The following IL20RB variants were observed in gnomAD, a reference collection of about 807,000 sequenced individuals.
The protein encoded by IL20RB is interleukin-20 receptor subunit beta.
IL20RB carries 21 observed loss-of-function variants against 33.3 expected under a neutral mutation model. The observed-to-expected ratio is 0.63, with a 90% CI of 0.45 to 0.91. The LOEUF (loss-of-function observed/expected upper bound fraction) is 0.91, where lower values mean the gene tolerates loss of function less well. Ranked by LOEUF, IL20RB falls within the 40% of genes least tolerant of loss-of-function variation. IL20RB has a pLI of 0.00. For missense variants in IL20RB, 345 were observed against 384.8 expected (o/e 0.90, Z 0.86); for synonymous variants, 147 against 146.8 (o/e 1.00, Z -0.01).
intron 4 of IL20RB, among the ~76,000 whole-genome samples, chr3:136,990,717 T>C (rs1470543385): frequency 2.0e-5 from 3 of 152,228 alleles, no homozygotes; most frequent in Non-Finnish European, 4.4e-5. Flanking sequence ...CTTGATCTTA[T>C]AGCAGTATCT....
intron 1 of IL20RB, among the ~76,000 whole-genome samples, chr3:136,979,649 CTG>C (rs62819161): frequency 0.45 from 67,871 of 151,798 alleles, 15,570 homozygotes; most frequent in East Asian, 0.7. Flanking sequence ...TCTGGGCACA[CTG>C]TGTCTGGGTA....
rs1282078889 is a variant in IL20RB at position 137,010,694 on chromosome 3, A to G, written c.*471A>G. 1 of 153,526 alleles carries G rather than the reference A, an allele frequency of 6.5e-6. No individual in the cohort carries two copies. Among genetic ancestry groups the G allele is most frequent in the Non-Finnish European group, 1.5e-5 (1 of 68,944 alleles). 9.5% of individuals were successfully genotyped at this position (153,526 alleles called of 1,614,324 possible). A position where few individuals can be genotyped will look rare whatever the true frequency, so the allele number is the denominator to read the frequency against. On this transcript the variant is annotated 3_prime_UTR_variant, in exon 7 of 7. Transcript: ENST00000329582. Reference sequence around the variant, plus strand: ...CATAAATGTATGATGAGAATGATCAAGGACTCTACACACTGGGTGGCTTGG... The same window carrying G: ...CATAAATGTATGATGAGAATGATCAGGGACTCTACACACTGGGTGGCTTGG...
intron 1 of IL20RB, among the ~76,000 whole-genome samples, chr3:136,969,639 G>A (rs1022482679): frequency 1.3e-5 from 2 of 151,552 alleles, no homozygotes; most frequent in Admixed American, 6.6e-5. Context: ...AGATGGAAAT[G>A]CAGAAATCAC....
intron 1 of IL20RB, among the ~76,000 whole-genome samples, chr3:136,979,752 A>T (rs1941721989): frequency 6.6e-6 from 1 of 152,130 alleles, no homozygotes; most frequent in African/African-American, 2.4e-5. Flanking sequence ...TCCCACTTGA[A>T]TGGACTCTCT....
chr3:136,963,694 T>A (rs200601160), intron 1 of IL20RB, among the ~76,000 whole-genome samples: 52,040 of 112,824 alleles, frequency 0.46, 8,799 homozygotes, highest in East Asian at 0.66. Context: ...TTTTTTTTTA[T>A]TTTTTTTTTT....
At chr3:136,970,983 T>C (rs1177452500) in intron 1 of IL20RB, among the ~76,000 whole-genome samples, 3 of 151,958 alleles carry the variant, frequency 2.0e-5, no homozygotes, top group Admixed American at 2.0e-4. Context: ...TCACGTGGGG[T>C]AAATGTGAAA....
chr3:136,981,301 A>AAATTAAAC (rs1941769048), intron 2 of IL20RB, among the ~76,000 whole-genome samples: 2 of 16,192 alleles, frequency 1.2e-4, no homozygotes, highest in Admixed American at 1.1e-3. Flanking sequence ...TTAAATTAAA[A>AAATTAAAC]TGTCTGTTTC....
At position 136,995,547 on chromosome 3, in the gene IL20RB, A is replaced by G. The variant is rs1299880582; in HGVS notation, c.816A>G (p.Pro272=). The change falls in exon 6 of 7, where the codon CCA becomes CCG. Residue 272 remains proline, a synonymous_variant. Coordinates refer to ENST00000329582, the MANE Select transcript of IL20RB (RefSeq NM_144717.4). ...QYSCCPVVVL[P]DTLKITNSPQ... ...CCTGTTGCCCCGTGGTGGTCCTCCC[A>G]GACACCTTGGTAATAGAGTAGTTCT... The G allele has an allele frequency of 6.2e-7, 1 of 1,614,174 alleles. No individual in the cohort carries two copies. Among genetic ancestry groups the G allele is most frequent in the East Asian group, 2.2e-5 (1 of 44,880 alleles).
chr3:137,007,681 A>G (rs1316803323), intron 6 of IL20RB, among the ~76,000 whole-genome samples: 1 of 152,140 alleles, frequency 6.6e-6, no homozygotes, highest in Non-Finnish European at 1.5e-5. Context: ...CCATTTTTCC[A>G]GGTAGTCTGT....
At chr3:136,982,084 A>G (rs1446347578) in intron 2 of IL20RB, 76 bp from the exon 3 acceptor site, 18 of 1,092,334 alleles carry the variant, frequency 1.6e-5, no homozygotes, top group Non-Finnish European at 2.3e-5. Flanking sequence ...AGGTGAACGA[A>G]GTCAGTTACT....
intron 6 of IL20RB, among the ~76,000 whole-genome samples, chr3:137,002,851 A>G (rs1942274465): frequency 6.6e-6 from 1 of 152,168 alleles, no homozygotes; most frequent in Non-Finnish European, 1.5e-5. Context: ...GCCCATGCCT[A>G]TGTCCTGAAT....
intron 2 of IL20RB, 44 bp from the exon 3 acceptor site, chr3:136,982,116 G>A (rs775431675): frequency 1.4e-6 from 2 of 1,414,952 alleles, no homozygotes; most frequent in Admixed American, 2.2e-5. Context: ...CTGAGCCTGT[G>A]TCAGAGGGGC....
intron 4 of IL20RB, among the ~76,000 whole-genome samples, chr3:136,991,007 G>T (rs955081284): frequency 2.0e-5 from 3 of 152,248 alleles, no homozygotes; most frequent in Admixed American, 1.3e-4. Flanking sequence ...TAAGAGGGGA[G>T]CATGTACCCT....
chr3:136,976,461 A>AC (rs1290504172), intron 1 of IL20RB, among the ~76,000 whole-genome samples: 10 of 151,752 alleles, frequency 6.6e-5, no homozygotes, highest in Non-Finnish European at 1.5e-4. Context: ...GGCGGGGCTT[A>AC]CCCCCCAGCC....
chr3:136,986,088 C>G (rs1036562018), intron 3 of IL20RB, among the ~76,000 whole-genome samples: 1 of 152,110 alleles, frequency 6.6e-6, no homozygotes, highest in Non-Finnish European at 1.5e-5. Flanking sequence ...ACCCCGTCGC[C>G]TGTAGTCCCA....
chr3:136,986,649 G>T, intron 3 of IL20RB: 2 of 456,620 alleles, frequency 4.4e-6, no homozygotes, highest in Non-Finnish European at 8.8e-6. Flanking sequence ...TCTCTGATGA[G>T]GGACGCGATG....
intron 6 of IL20RB, among the ~76,000 whole-genome samples, chr3:137,002,433 T>C (rs1942264333): frequency 6.6e-6 from 1 of 152,152 alleles, no homozygotes; most frequent in African/African-American, 2.4e-5. Flanking sequence ...CTCTCTAGCA[T>C]CTGTTGTATC....
chr3:137,000,413 T>C (rs1322652936), intron 6 of IL20RB, among the ~76,000 whole-genome samples: 1 of 152,224 alleles, frequency 6.6e-6, no homozygotes, highest in African/African-American at 2.4e-5. Flanking sequence ...CAGTCTCTGT[T>C]TTTTGGCTTT....
intron 1 of IL20RB, among the ~76,000 whole-genome samples, chr3:136,970,014 TTTTGTTTG>T (rs374458054): frequency 1.3e-5 from 2 of 151,880 alleles, no homozygotes; most frequent in East Asian, 3.9e-4. Context: ...TAGATTGAGG[TTTTGTTTG>T]TTTGTTTGTT....
Sources: gnomAD v4.1 joint callset for allele counts (sites outside exome capture counted in the v4.1 genomes callset) on GRCh38, gnomAD v4.1.1 for gene constraint, MANE v1.5 for transcripts, NCBI Gene and HGNC (gene_info 2026-07-23, HGNC 2026-07-21) for gene names.